The following TOMM70 variants were observed in gnomAD, a reference collection of about 807,000 sequenced individuals.
TOMM70 encodes mitochondrial import receptor subunit TOM70.
In TOMM70, 13 loss-of-function variants were observed where a neutral mutation model predicts 73.6. The observed-to-expected ratio is 0.18, with a 90% confidence interval of 0.11 to 0.28. The LOEUF (loss-of-function observed/expected upper bound fraction) is 0.28. Ranked by LOEUF, TOMM70 falls within the 10% of genes least tolerant of loss-of-function variation. The pLI, the probability that TOMM70 is intolerant of heterozygous loss-of-function variation, is 1.00. For synonymous variants in TOMM70, 257 were observed against 271.2 expected (o/e 0.95, Z 0.51); for missense variants, 609 against 747.5 (o/e 0.81, Z 2.16).
intron 7 of TOMM70, among the ~76,000 whole-genome samples, chr3:100,373,892 A>G (rs2148889846): frequency 6.6e-6 from 1 of 152,324 alleles, no homozygotes; most frequent in South Asian, 2.1e-4. Context: ...AATTCTGATC[A>G]CTATTAAGCA....
At chr3:100,400,407 T>C (rs534266420) in intron 1 of TOMM70, among the ~76,000 whole-genome samples, 25 of 152,332 alleles carry the variant, frequency 1.6e-4, no homozygotes, top group Non-Finnish European at 3.7e-4. Context: ...CAAAGGATTT[T>C]TCTGAAACCA....
At chr3:100,381,915 G>A in intron 4 of TOMM70, 152 bp from the exon 5 acceptor site, 3 of 730,006 alleles carry the variant, frequency 4.1e-6, no homozygotes, top group Middle Eastern at 4.3e-4. Context: ...ACAAAAGACA[G>A]TGGAAAAGGT....
rs2148892573 is a variant in TOMM70, at chr3:100,385,242, C to T, written c.626-654G>A. 2.6e-5 allele frequency among the ~76,000 whole-genome samples: 4 copies of T among 152,288 alleles called. No homozygotes were observed. In the Middle Eastern group the frequency reaches 0.01, roughly 388 times the overall value. ...TAGCGCCAATGTCAATGTCTTTTTTCCCATCCTGTTTCTTCTACGTGACAC... is the reference window on the plus strand; with the variant it reads ...TAGCGCCAATGTCAATGTCTTTTTTTCCATCCTGTTTCTTCTACGTGACAC... On this transcript the variant is annotated intron_variant, in intron 3 of 11. Transcript: ENST00000284320.
intron 4 of TOMM70, 132 bp from the exon 5 acceptor site, chr3:100,381,895 A>C: frequency 2.2e-6 from 2 of 929,598 alleles, no homozygotes; most frequent in Non-Finnish European, 3.0e-6. Flanking sequence ...ATTAAGCTCC[A>C]AGCCACAGAA....
intron 5 of TOMM70, among the ~76,000 whole-genome samples, chr3:100,381,365 A>G (rs1393721290): frequency 1.3e-5 from 2 of 152,138 alleles, no homozygotes; most frequent in Non-Finnish European, 2.9e-5. Flanking sequence ...ATCATATAGG[A>G]CCTTGAGTAA....
At chr3:100,366,128 T>G (rs1706445231) in intron 11 of TOMM70, among the ~76,000 whole-genome samples, 1 of 152,206 alleles carries the variant, frequency 6.6e-6, no homozygotes, top group South Asian at 2.1e-4. Context: ...AGCAGTGACA[T>G]AATACCGGGA....
Position 100,369,034 on chromosome 3 carries a change from A to C in TOMM70, c.1550+4T>G. ...CTCATTGGAACAATCACAAAAATACATACCCTTTATGAACATATGTTGTAG... is the reference window on the plus strand; with the variant it reads ...CTCATTGGAACAATCACAAAAATACCTACCCTTTATGAACATATGTTGTAG... On this transcript the variant is annotated splice_donor_region_variant and intron_variant, in intron 10 of 11. Transcript: ENST00000284320. 1.3e-6 allele frequency: 2 copies of C among 1,578,304 alleles called. No homozygotes were observed. The highest frequency in any genetic ancestry group is 1.7e-6 in the Non-Finnish European group (2 of 1,153,532).
intron 4 of TOMM70, among the ~76,000 whole-genome samples, chr3:100,383,525 A>C (rs1488018025): frequency 6.6e-6 from 1 of 150,548 alleles, no homozygotes; most frequent in Admixed American, 6.6e-5. Context: ...AAACAAACAA[A>C]AAAAAAAAAA....
intron 5 of TOMM70, among the ~76,000 whole-genome samples, chr3:100,381,122 T>TTG (rs1706629113): frequency 6.6e-6 from 1 of 152,152 alleles, no homozygotes; most frequent in African/African-American, 2.4e-5. Flanking sequence ...GTACTTTGGT[T>TTG]TCAGCTCTCT....
At chr3:100,395,284 G>C (rs7637142) in intron 1 of TOMM70, among the ~76,000 whole-genome samples, 4 of 152,010 alleles carry the variant, frequency 2.6e-5, no homozygotes, top group Non-Finnish European at 4.4e-5. Context: ...CAGGAGAATC[G>C]GTTGAACCCG....
In TOMM70 at chr3:100,364,806, C is replaced by CA. The variant is rs2148887646; in HGVS notation, c.*757dup. On this transcript the variant is annotated 3_prime_UTR_variant, in exon 12 of 12. Coordinates refer to ENST00000284320, the MANE Select transcript of TOMM70 (RefSeq NM_014820.5). ...AAATAGTCACAGACAATTATAAACA[C>CA]ACTACTGTTTCATCTTACCTCTTTG... 1 of 152,286 alleles carries CA rather than the reference C, an allele frequency of 6.6e-6. No homozygotes were observed. The highest frequency in any genetic ancestry group is 2.4e-5 in the African/African-American group (1 of 41,558). 9.4% of individuals were successfully genotyped at this position (152,286 alleles called of 1,614,324 possible). A position where few individuals can be genotyped will look rare whatever the true frequency, so the allele number is the denominator to read the frequency against.
chr3:100,373,155 AAAAC>A (rs887305081), intron 8 of TOMM70, among the ~76,000 whole-genome samples: 6 of 151,940 alleles, frequency 3.9e-5, no homozygotes, highest in Non-Finnish European at 8.8e-5. Flanking sequence ...AAAAAAAAAA[AAAAC>A]AACCTTTTGA....
chr3:100,373,596 T>A lies in TOMM70; in HGVS notation c.1277A>T (p.Glu426Val). The A allele has an allele frequency of 6.2e-7, 1 of 1,613,342 alleles. No homozygotes were observed. Among genetic ancestry groups the A allele is most frequent in the Non-Finnish European group, 8.5e-7 (1 of 1,179,608 alleles). ...QVEEAVADFD[E>V]CIRLRPESAL... Reference sequence around the variant, plus strand: ...AGACTCAGGTCTTAACCTAATACATTCATCAAAATCTGCCACTGCTTCTTC... The same window carrying A: ...AGACTCAGGTCTTAACCTAATACATACATCAAAATCTGCCACTGCTTCTTC... Residue 426 changes from glutamate (E) to valine (V), a missense_variant, in exon 8 of 12, where the codon GAA (glutamate) becomes GTA (valine). Glu to Val is a moderately radical substitution (Grantham distance 121, BLOSUM62 -2). Coordinates refer to ENST00000284320, the MANE Select transcript of TOMM70 (RefSeq NM_014820.5).
rs116276014 is a variant in TOMM70, at chr3:100,398,933, T to C, written c.324+1693A>G. On this transcript the variant is annotated intron_variant, in intron 1 of 11. Transcript: ENST00000284320. ...ACAATGCCTCACACACTGCAGATACTAGTTTGTTCATTCCTACACCAAAAC... is the reference window on the plus strand; with the variant it reads ...ACAATGCCTCACACACTGCAGATACCAGTTTGTTCATTCCTACACCAAAAC... Among the ~76,000 whole-genome samples, 733 of 152,338 alleles carry C rather than the reference T, an allele frequency of 4.8e-3. 5 individuals carry two copies. The highest frequency in any genetic ancestry group is 0.016 in the African/African-American group (654 of 41,574).
At chr3:100,373,449 C>T (rs933482165) in intron 8 of TOMM70, 89 bp downstream of exon 8, 72 of 1,057,390 alleles carry the variant, frequency 6.8e-5, no homozygotes, top group Admixed American at 5.4e-4. Flanking sequence ...AAGAAAAAGA[C>T]GACTTTGTAG....
chr3:100,401,016 A>AG lies in TOMM70; in HGVS notation c.-68dup, dbSNP rs1706896313. ...GCCACAATCACCAAACAGCGTGCGAAGGAAGACCGAGGGAGGGAAGGAAAG... is the reference window on the plus strand; with the variant it reads ...GCCACAATCACCAAACAGCGTGCGAAGGGAAGACCGAGGGAGGGAAGGAAAG... On this transcript the variant is annotated 5_prime_UTR_variant, in exon 1 of 12. Coordinates refer to ENST00000284320, the MANE Select transcript of TOMM70 (RefSeq NM_014820.5). 1 of 1,447,246 alleles carries AG rather than the reference A, an allele frequency of 6.9e-7. No homozygotes were observed. The highest frequency in any genetic ancestry group is 2.0e-5 in the Admixed American group (1 of 49,154). The allele number at this position is 1,447,246 out of a possible 1,614,324, so 89.7% of individuals were successfully genotyped here.
chr3:100,370,927 G>A (rs1167763750), intron 9 of TOMM70, among the ~76,000 whole-genome samples: 1 of 152,168 alleles, frequency 6.6e-6, no homozygotes, highest in Non-Finnish European at 1.5e-5. Flanking sequence ...TAGATGCTTA[G>A]AGAAATCTGC....
At chr3:100,365,900 T>C (rs572601853) in intron 11 of TOMM70, among the ~76,000 whole-genome samples, 183 bp from the exon 12 acceptor site, 2 of 152,214 alleles carry the variant, frequency 1.3e-5, no homozygotes, top group African/African-American at 2.4e-5. Flanking sequence ...GTAAAATGCT[T>C]CTTTTAAAAT....
chr3:100,374,679 G>A (rs1042114368), intron 7 of TOMM70, among the ~76,000 whole-genome samples: 2 of 152,120 alleles, frequency 1.3e-5, no homozygotes, highest in African/African-American at 2.4e-5. Flanking sequence ...AAATCATCCT[G>A]TTGATTCTAG....
Sources: gnomAD v4.1 joint callset for allele counts (sites outside exome capture counted in the v4.1 genomes callset) on GRCh38, gnomAD v4.1.1 for gene constraint, MANE v1.5 for transcripts, NCBI Gene and HGNC (gene_info 2026-07-23, HGNC 2026-07-21) for gene names.